MAPKAP1: variants seen among roughly 807,000 people sequenced by gnomAD.
MAPKAP1 encodes the protein target of rapamycin complex 2 subunit MAPKAP1.
In MAPKAP1, 20 loss-of-function variants were observed where a neutral mutation model predicts 65.7. The observed-to-expected ratio is 0.30, with a 90% confidence interval of 0.21 to 0.44. MAPKAP1 has a LOEUF of 0.44. Among genes scored for constraint, MAPKAP1 ranks in the 20% least tolerant of loss-of-function variants. The pLI is 1.00. For missense variants in MAPKAP1, 423 were observed against 648.0 expected (o/e 0.65, Z 3.77); for synonymous variants, 222 against 244.3 (o/e 0.91, Z 0.85).
chr9:125,503,283 C>T (rs777680695), intron 8 of MAPKAP1, among the ~76,000 whole-genome samples: 16 of 152,198 alleles, frequency 1.1e-4, no homozygotes, highest in Admixed American at 6.5e-4. Context: ...GGGCTTTCTA[C>T]CCCTGGCAAA....
intron 10 of MAPKAP1, among the ~76,000 whole-genome samples, chr9:125,445,803 A>G (rs1852691279): frequency 6.6e-6 from 1 of 152,242 alleles, no homozygotes; most frequent in African/African-American, 2.4e-5. Context: ...CTTCCAAGAA[A>G]TTCTTCTTTC....
At chr9:125,538,531 T>G (rs1564547828) in intron 7 of MAPKAP1, among the ~76,000 whole-genome samples, 1 of 134,082 alleles carries the variant, frequency 7.5e-6, no homozygotes, top group Non-Finnish European at 1.5e-5. Flanking sequence ...TTACTACAAT[T>G]TTTTTTTTTG....
intron 7 of MAPKAP1, among the ~76,000 whole-genome samples, chr9:125,528,965 G>A (rs1829855902): frequency 6.6e-6 from 1 of 151,438 alleles, no homozygotes; most frequent in African/African-American, 2.4e-5. Flanking sequence ...AGGAGTTCGA[G>A]ACCGGCCTGG....
At chr9:125,449,035 A>G (rs988912972) in intron 10 of MAPKAP1, among the ~76,000 whole-genome samples, 8 of 152,110 alleles carry the variant, frequency 5.3e-5, no homozygotes, top group Non-Finnish European at 4.4e-5. Context: ...TCAGCTAAGA[A>G]AAAGTTATGT....
intron 8 of MAPKAP1, among the ~76,000 whole-genome samples, chr9:125,504,755 C>T (rs1314147792): frequency 1.3e-5 from 2 of 151,928 alleles, no homozygotes; most frequent in Admixed American, 6.5e-5. Context: ...ATCACACTAC[C>T]GAACTCCAGC....
intron 9 of MAPKAP1, among the ~76,000 whole-genome samples, chr9:125,472,092 C>T (rs1325971417): frequency 1.3e-5 from 2 of 152,330 alleles, no homozygotes; most frequent in Admixed American, 1.3e-4. Context: ...TCAGAAGTGG[C>T]AAAGCTGCAA....
intron 7 of MAPKAP1, among the ~76,000 whole-genome samples, chr9:125,512,109 A>T (rs1284571048): frequency 6.6e-6 from 1 of 152,252 alleles, no homozygotes; most frequent in East Asian, 1.9e-4. Flanking sequence ...ACATGCTCAG[A>T]GCAGCTTCCT....
At chr9:125,674,661 T>C (rs568454873) in intron 1 of MAPKAP1, among the ~76,000 whole-genome samples, 1 of 152,320 alleles carries the variant, frequency 6.6e-6, no homozygotes, top group South Asian at 2.1e-4. Context: ...CTGATGTGTC[T>C]TAAAGTGGGT....
intron 4 of MAPKAP1, among the ~76,000 whole-genome samples, chr9:125,593,722 A>G (rs1832040738): frequency 1.3e-5 from 2 of 152,256 alleles, no homozygotes; most frequent in Non-Finnish European, 2.9e-5. Context: ...AAGTTGAACA[A>G]CATTCTCCAG....
Position 125,484,504 on chromosome 9 carries a change from ATGG to A in MAPKAP1, c.1143_1145del (p.His382del). ...TCATGCTGACTTTGAATGACTTGTA[ATGG>A]TGGCTGCTAAGCATATCCTGTACTG... On this transcript the variant is annotated inframe_deletion, in exon 9 of 12. Transcript: ENST00000265960. 1 of 1,613,646 alleles carries A rather than the reference ATGG, an allele frequency of 6.2e-7. No homozygotes were observed. Among genetic ancestry groups the A allele is most frequent in the Non-Finnish European group, 8.5e-7 (1 of 1,179,780 alleles).
chr9:125,523,300 G>C (rs1829672254), intron 7 of MAPKAP1, among the ~76,000 whole-genome samples: 1 of 152,058 alleles, frequency 6.6e-6, no homozygotes, highest in African/African-American at 2.4e-5. Context: ...GGATTTCCTT[G>C]TGCATAAATC....
chr9:125,441,121 C>G (rs1852464621), intron 11 of MAPKAP1, among the ~76,000 whole-genome samples: 1 of 152,198 alleles, frequency 6.6e-6, no homozygotes, highest in Non-Finnish European at 1.5e-5. Flanking sequence ...TAGAGTGTTT[C>G]ATTTTCAACG....
intron 1 of MAPKAP1, among the ~76,000 whole-genome samples, chr9:125,685,320 C>G (rs1834942885): frequency 6.6e-6 from 1 of 152,188 alleles, no homozygotes; most frequent in South Asian, 2.1e-4. Flanking sequence ...TGACATCTGA[C>G]TTAACACCTG....
intron 4 of MAPKAP1, among the ~76,000 whole-genome samples, chr9:125,650,747 A>C (rs1299765281): frequency 1.3e-5 from 2 of 152,222 alleles, no homozygotes; most frequent in Non-Finnish European, 2.9e-5. Context: ...GGAAGAAGTT[A>C]GTTTTAAGAA....
chr9:125,617,010 G>A (rs1267397567), intron 4 of MAPKAP1, among the ~76,000 whole-genome samples: 3 of 152,106 alleles, frequency 2.0e-5, no homozygotes, highest in Non-Finnish European at 4.4e-5. Context: ...TTATCTATAT[G>A]TGCACTTAAT....
intron 4 of MAPKAP1, among the ~76,000 whole-genome samples, chr9:125,637,829 G>A (rs1197888651): frequency 1.3e-5 from 2 of 152,218 alleles, no homozygotes. Context: ...CTGGAGTGCA[G>A]TGGCGCAGTC....
At chr9:125,483,541 G>A (rs578136636) in intron 9 of MAPKAP1, among the ~76,000 whole-genome samples, 93 of 152,352 alleles carry the variant, frequency 6.1e-4, no homozygotes, top group Non-Finnish European at 1.2e-3. Flanking sequence ...GGAAGAGGTG[G>A]TGTGGCAGAG....
At chr9:125,698,826 G>A (rs1284150074) in intron 1 of MAPKAP1, among the ~76,000 whole-genome samples, 1 of 152,036 alleles carries the variant, frequency 6.6e-6, no homozygotes, top group Non-Finnish European at 1.5e-5. Context: ...TCACATAATA[G>A]CTTAAAAACA....
At chr9:125,656,157 G>A (rs1834026455) in intron 4 of MAPKAP1, among the ~76,000 whole-genome samples, 1 of 152,172 alleles carries the variant, frequency 6.6e-6, no homozygotes, top group African/African-American at 2.4e-5. Context: ...GGCAATGGAA[G>A]CAAATAAATT....
Sources: gnomAD v4.1 joint callset for allele counts (sites outside exome capture counted in the v4.1 genomes callset) on GRCh38, gnomAD v4.1.1 for gene constraint, MANE v1.5 for transcripts, NCBI Gene and HGNC (gene_info 2026-07-23, HGNC 2026-07-21) for gene names.